Variants in COA6 observed in about 807,000 individuals in gnomAD.
The protein encoded by COA6 is cytochrome c oxidase assembly factor 6.
COA6 carries 12 observed loss-of-function variants against 17.1 expected under a neutral mutation model. That is an observed-to-expected ratio of 0.70 (90% CI 0.45 to 1.14). COA6 has a LOEUF of 1.14. COA6 is among the 50% of genes most tolerant of loss of function. The probability of loss-of-function intolerance (pLI) is 0.00; values close to 1 mark genes in which losing one functional copy is unlikely to be tolerated. For synonymous variants in COA6, 90 were observed against 73.4 expected (o/e 1.23, Z -1.16); for missense variants, 246 against 196.5 (o/e 1.25, Z -1.51).
Position 234,383,752 on chromosome 1 carries a change from C to T in COA6, c.402C>T (p.Tyr134=). The change falls in exon 3 of 3, where the codon TAC becomes TAT. Residue 134 remains tyrosine (Y), a synonymous_variant. Transcript: ENST00000366615. ...WIKYFDKRRD[Y]LKFKEKFEAG... ...AATATTTTGATAAAAGAAGAGACTA[C>T]TTAAAATTCAAAGAAAAATTTGAAG... 2 of 1,537,796 alleles carry T rather than the reference C, an allele frequency of 1.3e-6. No homozygotes were observed. The highest frequency in any genetic ancestry group is 1.4e-5 in the African/African-American group (1 of 72,848).
At chr1:234,382,320 G>A (rs1658998162) in intron 2 of COA6, among the ~76,000 whole-genome samples, 1 of 152,210 alleles carries the variant, frequency 6.6e-6, no homozygotes, top group Non-Finnish European at 1.5e-5. Flanking sequence ...GGCTGCTTCT[G>A]TGTCAGGGCG....
chr1:234,383,670 TTATCTAAGCTGCA>T (rs1659047352), intron 2 of COA6, 40 bp from the exon 3 acceptor site: 1 of 752,936 alleles, frequency 1.3e-6, no homozygotes, highest in South Asian at 1.6e-5. Context: ...GTGCTTTTGC[TTATCTAAGCTGCA>T]TAACTTGCCC....
At chr1:234,381,099 AC>A (rs1442960685) in intron 2 of COA6, among the ~76,000 whole-genome samples, 1 of 152,238 alleles carries the variant, frequency 6.6e-6, no homozygotes, top group Non-Finnish European at 1.5e-5. Context: ...AAACAGAGCA[AC>A]CAGATATCCA....
chr1:234,381,443 G>C (rs35745297), intron 2 of COA6, among the ~76,000 whole-genome samples: 17 of 152,194 alleles, frequency 1.1e-4, no homozygotes, highest in Non-Finnish European at 2.2e-4. Flanking sequence ...AGCTCTGTAG[G>C]ACAAACAGTT....
rs61824513 is a variant in COA6 at position 234,377,066 on chromosome 1, G to C, written c.372+2677G>C. Among the ~76,000 whole-genome samples, 73 of 63,224 alleles carry C rather than the reference G, an allele frequency of 1.2e-3. 1 individual carries two copies. Among genetic ancestry groups the C allele is most frequent in the Admixed American group, 4.0e-3 (21 of 5,270 alleles). The allele number at this position is 63,224 out of a possible 152,430, so 41.5% of individuals were successfully genotyped here. A position where few individuals can be genotyped will look rare whatever the true frequency, so the allele number is the denominator to read the frequency against. ...ACCTTCTTGCTGTGTTGCCGAGAGA[G>C]AGAGAGAGAGAGAGAGAGAGAGAGA... On this transcript the variant is annotated intron_variant, in intron 2 of 2. Transcript: ENST00000366615.
In COA6 at chr1:234,383,787, T is replaced by C. The variant is rs1306790152; in HGVS notation, c.437T>C (p.Phe146Ser). 1.3e-6 allele frequency: 2 copies of C among 1,580,098 alleles called. No homozygotes were observed. Among genetic ancestry groups the C allele is most frequent in the Non-Finnish European group, 1.7e-6 (2 of 1,152,042 alleles). Residue 146 changes from phenylalanine (F) to serine (S), a missense_variant, in exon 3 of 3, where the codon TTT (phenylalanine) becomes TCT (serine). By Grantham distance (155) the Phe-to-Ser change is radical (BLOSUM62 -2). Coordinates refer to ENST00000366615, the MANE Select transcript of COA6 (RefSeq NM_001206641.3). ...KFKEKFEAGQ[F>S]EPSETTAKS ...AAAGAAAAATTTGAAGCAGGACAAT[T>C]TGAGCCTTCAGAAACAACTGCAAAA...
At chr1:234,382,534 G>T (rs1182611495) in intron 2 of COA6, among the ~76,000 whole-genome samples, 4 of 152,204 alleles carry the variant, frequency 2.6e-5, no homozygotes, top group African/African-American at 9.6e-5. Context: ...CTGACTTTGT[G>T]TGTGTCTGTT....
At chr1:234,373,949 A>C (rs1355961327) in intron 1 of COA6, 2 of 1,333,706 alleles carry the variant, frequency 1.5e-6, no homozygotes, top group East Asian at 5.0e-5. Flanking sequence ...ACAGAACCAC[A>C]GTTCTCAGCC....
At position 234,381,197 on chromosome 1, in the gene COA6, TC is replaced by T. The variant is rs1658962509; in HGVS notation, c.373-2525del. The stretch of plus-strand genomic sequence containing the variant: ...CTCAGAAATCCCAGTATTTTGGCAT[TC>T]ACACTACTGTCCTGGGTCTTATTCA... On this transcript the variant is annotated intron_variant, in intron 2 of 2. Transcript: ENST00000366615. Among the ~76,000 whole-genome samples, 7 of 152,340 alleles carry T rather than the reference TC, an allele frequency of 4.6e-5. No homozygotes were observed. In the South Asian group the frequency reaches 1.4e-3, roughly 32 times the overall value.
At chr1:234,374,052 A>G (rs1658705933) in intron 1 of COA6, 178 bp from the exon 2 acceptor site, 1 of 875,096 alleles carries the variant, frequency 1.1e-6, no homozygotes, top group Admixed American at 2.9e-5. Flanking sequence ...GCTGCCACTG[A>G]GAACTGATTG....
At position 234,384,704 on chromosome 1, in the gene COA6, CTG is replaced by C. The variant is rs1491520718; in HGVS notation, c.*889_*890del. Among the ~76,000 whole-genome samples, 1 of 152,176 alleles carries C rather than the reference CTG, an allele frequency of 6.6e-6. No individual in the cohort carries two copies. Among genetic ancestry groups the C allele is most frequent in the Non-Finnish European group, 1.5e-5 (1 of 68,030 alleles). On this transcript the variant is annotated 3_prime_UTR_variant, in exon 3 of 3. Coordinates refer to ENST00000366615, the MANE Select transcript of COA6 (RefSeq NM_001206641.3). The stretch of plus-strand genomic sequence containing the variant: ...AATGGAGAGGTATACAGTTGGCCCT[CTG>C]TGGGTTCTGCATCCATGGATTCAAC...
At position 234,384,061 on chromosome 1, in the gene COA6, TTTTTG is replaced by T. The variant is rs1659060944; in HGVS notation, c.*253_*257del. ...TATAAACACATGCACTTTTGTTTTG[TTTTTG>T]TTTTGTTTTTAATTAGAGGATGGGT... On this transcript the variant is annotated 3_prime_UTR_variant, in exon 3 of 3. Transcript: ENST00000366615. The T allele has an allele frequency of 3.0e-6, 1 of 327,888 alleles. No homozygotes were observed. Among genetic ancestry groups the T allele is most frequent in the Non-Finnish European group, 5.7e-6 (1 of 176,704 alleles). 20.3% of individuals were successfully genotyped at this position (327,888 alleles called of 1,614,324 possible). A position where few individuals can be genotyped will look rare whatever the true frequency, so the allele number is the denominator to read the frequency against.
chr1:234,377,781 C>T (rs1021394884), intron 2 of COA6, among the ~76,000 whole-genome samples: 1 of 152,202 alleles, frequency 6.6e-6, no homozygotes, highest in African/African-American at 2.4e-5. Flanking sequence ...AGCCACTGCC[C>T]AGCACAGCGG....
chr1:234,378,260 G>C (rs1658867077), intron 2 of COA6, among the ~76,000 whole-genome samples: 1 of 152,136 alleles, frequency 6.6e-6, no homozygotes, highest in African/African-American at 2.4e-5. Context: ...TGTTCATTTA[G>C]TCATTCCACA....
At chr1:234,381,426 A>T (rs776204906) in intron 2 of COA6, among the ~76,000 whole-genome samples, 2 of 152,224 alleles carry the variant, frequency 1.3e-5, no homozygotes, top group Non-Finnish European at 2.9e-5. Flanking sequence ...GGAAATGAGC[A>T]TGGGGTAGCT....
At chr1:234,375,640 A>G (rs1000530178) in intron 2 of COA6, among the ~76,000 whole-genome samples, 4 of 152,040 alleles carry the variant, frequency 2.6e-5, no homozygotes, top group African/African-American at 7.2e-5. Flanking sequence ...CAGTGAACAG[A>G]AATTACTTTA....
At chr1:234,373,761 C>G in intron 1 of COA6, 83 bp downstream of exon 1, 1 of 1,613,844 alleles carries the variant, frequency 6.2e-7, no homozygotes, top group Non-Finnish European at 8.5e-7. Context: ...CCGCGGGTTC[C>G]TCTTGTGCAA....
intron 2 of COA6, among the ~76,000 whole-genome samples, chr1:234,382,627 T>A (rs964636354): frequency 4.6e-5 from 7 of 152,208 alleles, no homozygotes; most frequent in African/African-American, 1.7e-4. Context: ...ACCACTGAAA[T>A]ATTTAAGAAT....
At chr1:234,383,589 C>T in intron 2 of COA6, 134 bp from the exon 3 acceptor site, 1 of 588,468 alleles carries the variant, frequency 1.7e-6, no homozygotes. Context: ...CACACACACA[C>T]ACACACACAA....
Sources: allele counts gnomAD v4.1 joint callset (sites outside exome capture counted in the v4.1 genomes callset), GRCh38; gene constraint gnomAD v4.1.1; transcripts MANE v1.5; gene names NCBI Gene and HGNC (gene_info 2026-07-23, HGNC 2026-07-21).